Variants in LRRC27 observed in about 807,000 individuals in gnomAD.
LRRC27 encodes the protein leucine-rich repeat-containing protein 27.
Under a neutral mutation model 55.0 loss-of-function variants are expected in LRRC27, and 57 were observed. The ratio of observed to expected loss-of-function variants is 1.04; its 90% CI spans 0.84 to 1.29. The LOEUF (loss-of-function observed/expected upper bound fraction) is 1.29. Ranked by LOEUF, LRRC27 falls within the 50% of genes most tolerant of loss-of-function variation. The probability of loss-of-function intolerance (pLI) is 0.00; values close to 1 mark genes in which losing one functional copy is unlikely to be tolerated. For synonymous variants in LRRC27, 278 were observed against 251.9 expected, an observed-to-expected ratio of 1.10 and a Z score of -0.98; for missense variants, 721 against 651.5, an observed-to-expected ratio of 1.11 and a Z score of -1.16.
rs749239452 is a variant in LRRC27, at chr10:132,351,654, C to T, written c.974C>T (p.Pro325Leu). The change falls in exon 7 of 11, where the codon CCG (proline) becomes CTG (leucine). Residue 325 changes from proline to leucine, a missense_variant. Pro to Leu is a moderately conservative substitution (Grantham distance 98). Coordinates refer to ENST00000368614, the MANE Select transcript of LRRC27 (RefSeq NM_030626.3). The part of the protein sequence containing the change: ...SRSILPDLLS[P>L]YQMAIRAKRL... ...AGCATCTTACCCGACCTCTTGTCACCGTACCAAATGGCGATCCGAGCAAAA... is the reference window on the plus strand; with the variant it reads ...AGCATCTTACCCGACCTCTTGTCACTGTACCAAATGGCGATCCGAGCAAAA... 17 of 1,614,132 alleles carry T rather than the reference C, an allele frequency of 1.1e-5. No homozygotes were observed. Among genetic ancestry groups the T allele is most frequent in the Middle Eastern group, 1.6e-4 (1 of 6,062 alleles).
intron 2 of LRRC27, among the ~76,000 whole-genome samples, chr10:132,336,123 G>A (rs942540628): frequency 2.6e-5 from 4 of 152,298 alleles, no homozygotes; most frequent in Admixed American, 6.5e-5. Context: ...CAGAGGTGCT[G>A]GGGAGGAAGA....
chr10:132,365,278 A>G, intron 9 of LRRC27, 146 bp from the exon 10 acceptor site: 3 of 1,122,566 alleles, frequency 2.7e-6, no homozygotes, highest in Non-Finnish European at 2.6e-6. Flanking sequence ...GCAGCGCCAC[A>G]GTAACTGGCA....
chr10:132,351,884 T>G, intron 7 of LRRC27, 131 bp downstream of exon 7: 1 of 1,121,406 alleles, frequency 8.9e-7, no homozygotes, highest in Non-Finnish European at 1.2e-6. Context: ...TGATCCAGGA[T>G]CCGTCTCTTC....
At chr10:132,363,613 T>C (rs1479802361) in intron 9 of LRRC27, among the ~76,000 whole-genome samples, 1 of 152,202 alleles carries the variant, frequency 6.6e-6, no homozygotes, top group Non-Finnish European at 1.5e-5. Context: ...TTTCCTGGCC[T>C]GCACCAGGCT....
intron 6 of LRRC27, 160 bp from the exon 7 acceptor site, chr10:132,351,447 C>T (rs1335341667): frequency 1.3e-6 from 1 of 782,640 alleles, no homozygotes; most frequent in Non-Finnish European, 2.1e-6. Flanking sequence ...CTGAAATCAA[C>T]AGTCAAGACT....
At chr10:132,352,894 C>T (rs772663008) in intron 7 of LRRC27, 4 of 1,613,866 alleles carry the variant, frequency 2.5e-6, no homozygotes, top group Non-Finnish European at 3.4e-6. Context: ...CTTTCCTCCT[C>T]ATTTTCCCTA....
In LRRC27 at chr10:132,348,162, G is replaced by C. The variant is rs1313817027; in HGVS notation, c.732G>C (p.Arg244Ser). 1 of 1,614,054 alleles carries C rather than the reference G, an allele frequency of 6.2e-7. No homozygotes were observed. Among genetic ancestry groups the C allele is most frequent in the Non-Finnish European group, 8.5e-7 (1 of 1,180,020 alleles). ...PVEKPDLSEL[R>S]KSADSSENWP... is the part of the protein sequence containing the mutation. Reference sequence around the variant, plus strand: ...AAAAGCCAGACCTGAGTGAACTCAGGAAGTCTGCGGACTCCTCAGAGAACT... The same window carrying C: ...AAAAGCCAGACCTGAGTGAACTCAGCAAGTCTGCGGACTCCTCAGAGAACT... Residue 244 changes from arginine to serine, a missense_variant, in exon 6 of 11, where the codon AGG becomes AGC. Physicochemically the swap from Arg to Ser is moderately radical, Grantham distance 110. Transcript: ENST00000368614. This position sits in a 1 kb window ranked among gnomAD's most constrained non-coding sequence, Gnocchi z 4.2.
chr10:132,333,586 C>T lies in LRRC27; in HGVS notation c.62C>T (p.Ala21Val). The change falls in exon 2 of 11, where the codon GCT becomes GTT. Residue 21 changes from alanine (A) to valine (V), a missense_variant. Transcript: ENST00000368614. ...SVAAADLEEG[A>V]GQTRSLPATP... ...GCTGCTGCTGATCTGGAGGAGGGTG[C>T]TGGTCAGACTAGGAGCTTGCCTGCC... 2 of 1,612,104 alleles carry T rather than the reference C, an allele frequency of 1.2e-6. No individual in the cohort carries two copies. The highest frequency in any genetic ancestry group is 1.7e-6 in the Non-Finnish European group (2 of 1,179,846).
At chr10:132,335,487 A>T (rs1241273603) in intron 2 of LRRC27, among the ~76,000 whole-genome samples, 1 of 146,064 alleles carries the variant, frequency 6.8e-6, no homozygotes, top group Non-Finnish European at 1.5e-5. Flanking sequence ...GGGGGGGGTC[A>T]CAGTCTTCCT....
At chr10:132,369,994 A>G (rs1004257666) in intron 10 of LRRC27, among the ~76,000 whole-genome samples, 3 of 152,092 alleles carry the variant, frequency 2.0e-5, no homozygotes, top group African/African-American at 7.2e-5. Context: ...CTTTCGTGCC[A>G]CCTAGGAGGA....
chr10:132,353,931 C>T (rs1005543064), intron 7 of LRRC27, among the ~76,000 whole-genome samples: 2 of 152,336 alleles, frequency 1.3e-5, no homozygotes, highest in East Asian at 3.9e-4. Flanking sequence ...CCACTCCTGC[C>T]TCGGCTCTGC....
chr10:132,355,667 C>T, intron 7 of LRRC27, 123 bp from the exon 8 acceptor site: 1 of 683,700 alleles, frequency 1.5e-6, no homozygotes, highest in Non-Finnish European at 2.6e-6. Context: ...GGAGGGCATG[C>T]ACGCCCCCAG....
intron 10 of LRRC27, among the ~76,000 whole-genome samples, chr10:132,373,077 C>A (rs1235716675): frequency 6.6e-6 from 1 of 152,200 alleles, no homozygotes; most frequent in Non-Finnish European, 1.5e-5. Context: ...TAGGAATAGA[C>A]AAGTCTGCTG....
chr10:132,350,301 C>G (rs1370043258), intron 6 of LRRC27: 2 of 152,276 alleles, frequency 1.3e-5, no homozygotes, highest in African/African-American at 4.8e-5. Context: ...CGGAGCATCA[C>G]TGCCCCAGCC....
intron 9 of LRRC27, among the ~76,000 whole-genome samples, 178 bp from the exon 10 acceptor site, chr10:132,365,246 G>A (rs2069010411): frequency 6.6e-6 from 1 of 152,246 alleles, no homozygotes; most frequent in South Asian, 2.1e-4. Flanking sequence ...CTGGAGGAGA[G>A]TGGGTGCCGG....
Position 132,374,296 on chromosome 10 carries a change from C to T in LRRC27, c.1417-770C>T, listed in dbSNP as rs1236009340. Among the ~76,000 whole-genome samples the T allele has an allele frequency of 6.6e-6, 1 of 152,132 alleles. No individual in the cohort carries two copies. Among genetic ancestry groups the T allele is most frequent in the South Asian group, 2.1e-4 (1 of 4,832 alleles). Reference sequence around the variant, plus strand: ...ACCTGCACTGGAGGTAGTGTCCAACCTGTGCCCCCAGCAAGGCAAGCCGGG... The same window carrying T: ...ACCTGCACTGGAGGTAGTGTCCAACTTGTGCCCCCAGCAAGGCAAGCCGGG... On this transcript the variant is annotated intron_variant, in intron 10 of 10. Coordinates refer to ENST00000368614, the MANE Select transcript of LRRC27 (RefSeq NM_030626.3). The surrounding 1 kb of genome is among the most constrained non-coding windows in gnomAD (Gnocchi z 4.4).
Position 132,346,184 on chromosome 10 carries a change from C to T in LRRC27, c.553+1534C>T, listed in dbSNP as rs142701164. Among the ~76,000 whole-genome samples, 646 of 152,250 alleles carry T rather than the reference C, an allele frequency of 4.2e-3. 4 individuals carry two copies. Among genetic ancestry groups the T allele is most frequent in the African/African-American group, 0.015 (608 of 41,548 alleles). Reference sequence around the variant, plus strand: ...AGCAGCCTCGGGGGCCAGGCACCAGCGGCTGCTGATGGGGTGCGGGGTCCA... The same window carrying T: ...AGCAGCCTCGGGGGCCAGGCACCAGTGGCTGCTGATGGGGTGCGGGGTCCA... On this transcript the variant is annotated intron_variant, in intron 5 of 10. Transcript: ENST00000368614.
intron 2 of LRRC27, among the ~76,000 whole-genome samples, chr10:132,334,879 T>C (rs34116354): frequency 0.3 from 45,455 of 152,186 alleles, 7,047 homozygotes; most frequent in East Asian, 0.36. Flanking sequence ...GATAACTGTT[T>C]ATACCTTTCA....
At chr10:132,349,092 TGTG>T (rs1474902817) in intron 6 of LRRC27, 2 of 1,382,416 alleles carry the variant, frequency 1.4e-6, no homozygotes, top group African/African-American at 1.4e-5. Context: ...TGTGCCTGCA[TGTG>T]GTGTGTGTGC....
Sources: allele counts gnomAD v4.1 joint callset (sites outside exome capture counted in the v4.1 genomes callset), GRCh38; gene constraint gnomAD v4.1.1; non-coding constraint Gnocchi (gnomAD v3.1); transcripts MANE v1.5; gene names NCBI Gene and HGNC (gene_info 2026-07-23, HGNC 2026-07-21).